Variants in NLRP2 observed in about 807,000 individuals in gnomAD.
NLRP2 encodes NACHT, LRR and PYD domains-containing protein 2.
Under a neutral mutation model 97.2 loss-of-function variants are expected in NLRP2, and 107 were observed. The observed-to-expected ratio is 1.10, with a 90% CI of 0.94 to 1.29. The LOEUF (loss-of-function observed/expected upper bound fraction) is 1.29, where lower values mean the gene tolerates loss of function less well. Ranked by LOEUF, NLRP2 falls within the 50% of genes most tolerant of loss-of-function variation. NLRP2 has a pLI of 0.00. For synonymous variants in NLRP2, 663 were observed against 551.5 expected, an observed-to-expected ratio of 1.20 and a Z score of -2.83; for missense variants, 1,495 against 1,330.3, an observed-to-expected ratio of 1.12 and a Z score of -1.93.
chr19:54,984,329 G>GTGTGTTGTTTTTTTTTTTTTTTT lies in NLRP2; in HGVS notation c.2030+602_2030+603insGTGTTGTTTTTTTTTTTTTTTTT. ...AACTTAAGTGGGGGTTTTTTTTTGTGTTTTTTTTTTTTTTTTTTTTTTTGG... is the reference window on the plus strand; with the variant it reads ...AACTTAAGTGGGGGTTTTTTTTTGTGTGTGTTGTTTTTTTTTTTTTTTTTTTTTTTTTTTTTTTTTTTTTTTGG... On this transcript the variant is annotated intron_variant, in intron 6 of 12. Coordinates refer to ENST00000448584, the MANE Select transcript of NLRP2 (RefSeq NM_017852.5). 7.5e-4 allele frequency among the ~76,000 whole-genome samples: 60 copies of GTGTGTTGTTTTTTTTTTTTTTTT among 79,670 alleles called. 1 individual carries two copies. Among genetic ancestry groups the GTGTGTTGTTTTTTTTTTTTTTTT allele is most frequent in the Non-Finnish European group, 1.2e-3 (49 of 39,964 alleles). The allele number at this position is 79,670 out of a possible 152,430, so 52.3% of individuals were successfully genotyped here.
rs778600165 is a variant in NLRP2, at chr19:54,986,189, T to C, written c.2240T>C (p.Leu747Pro). Residue 747 changes from leucine (L) to proline (P), a missense_variant, in exon 8 of 13, where the codon CTC (leucine) becomes CCC (proline). Leu to Pro is a moderately conservative substitution (Grantham distance 98, BLOSUM62 -3). Transcript: ENST00000448584. The part of the protein sequence containing the change: ...NISPADAHRN[L>P]CLALRGHKTV... Reference sequence around the variant, plus strand: ...TCCCCAGCTGATGCTCATCGGAACCTCTGCCTAGCTCTTCGAGGTCACAAG... The same window carrying C: ...TCCCCAGCTGATGCTCATCGGAACCCCTGCCTAGCTCTTCGAGGTCACAAG... The C allele has an allele frequency of 4.3e-6, 7 of 1,613,720 alleles. No individual in the cohort carries two copies. The highest frequency in any genetic ancestry group is 5.9e-6 in the Non-Finnish European group (7 of 1,179,612).
intron 3 of NLRP2, among the ~76,000 whole-genome samples, chr19:54,975,643 G>A (rs775895): frequency 3.3e-5 from 5 of 150,864 alleles, no homozygotes; most frequent in African/African-American, 9.8e-5. Context: ...TAGTAGAGAC[G>A]GGGTTTCACC....
At chr19:54,981,137 C>T (rs942472173) in intron 4 of NLRP2, among the ~76,000 whole-genome samples, 2 of 152,040 alleles carry the variant, frequency 1.3e-5, no homozygotes, top group Non-Finnish European at 2.9e-5. Context: ...CCTGTTTCCT[C>T]TTGTTTGTAT....
intron 12 of NLRP2, 130 bp downstream of exon 12, chr19:54,997,617 C>T: frequency 1.0e-6 from 1 of 956,712 alleles, no homozygotes; most frequent in East Asian, 2.4e-5. Context: ...CACACCCAGC[C>T]AATTTCTGTA....
chr19:54,992,698 T>A (rs969822834), intron 10 of NLRP2, among the ~76,000 whole-genome samples: 8 of 151,076 alleles, frequency 5.3e-5, no homozygotes, highest in Non-Finnish European at 1.0e-4. Flanking sequence ...TCCCAGGGAT[T>A]AAGGTGCATG....
chr19:54,973,155 C>T (rs2070973996), intron 2 of NLRP2, among the ~76,000 whole-genome samples: 1 of 151,094 alleles, frequency 6.6e-6, no homozygotes. Context: ...CGTGCCACTG[C>T]GCTCCAGCCT....
chr19:54,990,899 G>GT, intron 10 of NLRP2: 3 of 568,434 alleles, frequency 5.3e-6, no homozygotes, highest in East Asian at 5.7e-5. Flanking sequence ...CTGGTTTTCG[G>GT]GTTTTTTTTT....
chr19:54,976,810 CTCTTT>C lies in NLRP2; in HGVS notation c.326-940_326-936del, dbSNP rs1464472929. On this transcript the variant is annotated intron_variant, in intron 3 of 12. Transcript: ENST00000448584. ...TTATTAGGATTCCACCTTGTTCTCT[CTCTTT>C]TTTTTTTTTTTTTTGATACGGAGTC... 502 of 320,224 alleles carry C rather than the reference CTCTTT, an allele frequency of 1.6e-3. 9 individuals are homozygous for C. In the Admixed American group the frequency reaches 0.018, roughly 11 times the overall value. 19.8% of individuals were successfully genotyped at this position (320,224 alleles called of 1,614,324 possible).
chr19:54,977,783 C>T lies in NLRP2; in HGVS notation c.357C>T (p.Asp119=), dbSNP rs147530574. The change falls in exon 4 of 13, where the codon GAC becomes GAT. Residue 119 remains aspartate, a synonymous_variant. Coordinates refer to ENST00000448584, the MANE Select transcript of NLRP2 (RefSeq NM_017852.5). ...CACGGAAAGAACGACCACCTCTAGA[C>T]GTGGACGAAATGCTGGAGCGCTTCA... ...GITRKERPPL[D]VDEMLERFKT... 591 of 1,613,818 alleles carry T rather than the reference C, an allele frequency of 3.7e-4. 1 individual carries two copies. The highest frequency in any genetic ancestry group is 4.7e-4 in the Non-Finnish European group (549 of 1,180,004).
chr19:54,995,531 C>G (rs936970995), intron 11 of NLRP2, among the ~76,000 whole-genome samples: 1 of 151,544 alleles, frequency 6.6e-6, no homozygotes, highest in Non-Finnish European at 1.5e-5. Context: ...TTGCAGTGAG[C>G]TGAGATCCTG....
chr19:54,983,019 G>T lies in NLRP2; in HGVS notation c.1321G>T (p.Ala441Ser). Reference protein sequence around the residue: ...RFLCSRFPQGAQLRGALRTLS... With the variant: ...RFLCSRFPQGSQLRGALRTLS... ...CCTCTGCAGCCGGTTCCCGCAGGGC[G>T]CACAGCTGCGGGGCGCGCTGCGGAC... The change falls in exon 6 of 13, where the codon GCA becomes TCA. Residue 441 changes from alanine to serine, a missense_variant. By Grantham distance (99) the Ala-to-Ser change is moderately conservative. Transcript: ENST00000448584. 6.2e-7 allele frequency: 1 copy of T among 1,610,752 alleles called. No homozygotes were observed. The highest frequency in any genetic ancestry group is 1.1e-5 in the South Asian group (1 of 90,888).
At position 54,985,929 on chromosome 19, in the gene NLRP2, A is replaced by G. The variant is rs199475722; in HGVS notation, c.2202-222A>G. Among the ~76,000 whole-genome samples, 4 of 152,088 alleles carry G rather than the reference A, an allele frequency of 2.6e-5. No homozygotes were observed. The East Asian group carries it at 7.8e-4, about 29-fold the overall frequency. On this transcript the variant is annotated intron_variant, in intron 7 of 12. Coordinates refer to ENST00000448584, the MANE Select transcript of NLRP2 (RefSeq NM_017852.5). ...TAGGAGTCGCTTGAATCCGGGAGGC[A>G]GAGTTTGCTTTGCAGTGAGCCGAGA... is the stretch of plus-strand genomic sequence containing the variant.
intron 8 of NLRP2, among the ~76,000 whole-genome samples, chr19:54,989,250 C>T (rs547304417): frequency 4.6e-5 from 7 of 151,932 alleles, no homozygotes; most frequent in Admixed American, 6.6e-5. Context: ...GCCATTGCCC[C>T]GGCCAAAGTT....
In NLRP2 at chr19:54,974,771, G is replaced by T. The variant is rs566582377; in HGVS notation, c.325+227G>T. 4.1e-4 allele frequency among the ~76,000 whole-genome samples: 62 copies of T among 152,222 alleles called. No individual in the cohort carries two copies. Among genetic ancestry groups the T allele is most frequent in the Admixed American group, 1.8e-3 (27 of 15,252 alleles). On this transcript the variant is annotated intron_variant, in intron 3 of 12. Transcript: ENST00000448584. Reference sequence around the variant, plus strand: ...ATAAATACATACAAAGCGGGGAAGGGTAAGCTTGGCCTTTGAATCTGGATA... The same window carrying T: ...ATAAATACATACAAAGCGGGGAAGGTTAAGCTTGGCCTTTGAATCTGGATA...
intron 12 of NLRP2, among the ~76,000 whole-genome samples, chr19:54,999,339 G>GCC (rs1485883020): frequency 1.3e-5 from 2 of 152,120 alleles, no homozygotes; most frequent in African/African-American, 4.8e-5. Context: ...TAGAGACAGG[G>GCC]TTTCTCCATA....
chr19:54,970,293 G>A lies in NLRP2; in HGVS notation c.278G>A (p.Arg93Lys). Residue 93 changes from arginine to lysine, a missense_variant and splice_region_variant, in exon 2 of 13, where the codon AGA (arginine) becomes AAA (lysine). Physicochemically the swap from Arg to Lys is conservative, Grantham distance 26 (BLOSUM62 2). Transcript: ENST00000448584. ...DLSERAKDEV[R>K]EAALKSFNKR... ...TCTGAGAGAGCAAAGGATGAAGTCA[G>A]AGGTGAGTGGAAATCGGTCCACACT... The A allele has an allele frequency of 6.2e-7, 1 of 1,614,140 alleles. No homozygotes were observed. The highest frequency in any genetic ancestry group is 8.5e-7 in the Non-Finnish European group (1 of 1,180,012).
rs367821437 is a variant in NLRP2 at position 54,981,723 on chromosome 19, T to G, written c.463+41T>G. The stretch of plus-strand genomic sequence containing the variant: ...TCCTGCAGGGAGCTTGGGATCAGAT[T>G]TCTCTTTATAAACTTGAAGTCCTCT... On this transcript the variant is annotated intron_variant, in intron 5 of 12. Coordinates refer to ENST00000448584, the MANE Select transcript of NLRP2 (RefSeq NM_017852.5). 5.7e-5 allele frequency: 63 copies of G among 1,113,584 alleles called. 1 individual carries two copies. The African/African-American group carries it at 7.5e-4, about 13-fold the overall frequency. 69.0% of individuals were successfully genotyped at this position (1,113,584 alleles called of 1,614,324 possible). A position where few individuals can be genotyped will look rare whatever the true frequency, so the allele number is the denominator to read the frequency against.
In NLRP2 at chr19:54,994,442, GAGTTAACTTATA is replaced by G. The variant is rs774897950; in HGVS notation, c.2879+8_2879+19del. ...CTGTGCAACTTGAGATGTCTGTGGT[GAGTTAACTTATA>G]AGTTCAACTTCCTATACTTACACCT... On this transcript the variant is annotated splice_donor_5th_base_variant and intron_variant, in intron 11 of 12. Coordinates refer to ENST00000448584, the MANE Select transcript of NLRP2 (RefSeq NM_017852.5). 1 of 1,612,388 alleles carries G rather than the reference GAGTTAACTTATA, an allele frequency of 6.2e-7. No individual in the cohort carries two copies. Among genetic ancestry groups the G allele is most frequent in the South Asian group, 1.1e-5 (1 of 91,004 alleles).
In NLRP2 at chr19:54,986,306, G is replaced by A. The variant is rs145686547; in HGVS notation, c.2357G>A (p.Arg786Gln). 1.9e-4 allele frequency: 308 copies of A among 1,613,448 alleles called. 2 individuals carry two copies. In the African/African-American group the frequency reaches 3.5e-3, roughly 18 times the overall value. Residue 786 changes from arginine to glutamine, a missense_variant, in exon 8 of 13, where the codon CGA becomes CAA. Physicochemically the swap from Arg to Gln is conservative, Grantham distance 43. Coordinates refer to ENST00000448584, the MANE Select transcript of NLRP2 (RefSeq NM_017852.5). ...EVLRHPECNL[R>Q]YLGLVSCSAT... Reference sequence around the variant, plus strand: ...TTGAGACATCCAGAATGTAACCTGCGATATCTCGGGTATATCTCTTAATCA... The same window carrying A: ...TTGAGACATCCAGAATGTAACCTGCAATATCTCGGGTATATCTCTTAATCA...
Sources: allele counts gnomAD v4.1 joint callset (sites outside exome capture counted in the v4.1 genomes callset), GRCh38; gene constraint gnomAD v4.1.1; transcripts MANE v1.5; gene names NCBI Gene and HGNC (gene_info 2026-07-23, HGNC 2026-07-21).